TLN2: variants seen among roughly 807,000 people sequenced by gnomAD.
TLN2 encodes talin 2.
In TLN2, 118 loss-of-function variants were observed where a neutral mutation model predicts 294.7. The observed-to-expected ratio is 0.40, with a 90% CI of 0.34 to 0.47. The LOEUF (loss-of-function observed/expected upper bound fraction) is 0.47. TLN2 is among the 20% of genes least tolerant of loss of function. The pLI is 0.84. For missense variants in TLN2, 3,083 were observed against 3,282.2 expected (o/e 0.94, Z 1.48); for synonymous variants, 1,431 against 1,304.5 (o/e 1.10, Z -2.09).
At chr15:62,677,309 A>G (rs1249545505) in intron 11 of TLN2, among the ~76,000 whole-genome samples, 3 of 152,192 alleles carry the variant, frequency 2.0e-5, no homozygotes, top group Non-Finnish European at 4.4e-5. Context: ...TAGTCCTTTG[A>G]GTATTAAATT....
At position 62,800,452 on chromosome 15, in the gene TLN2, G is replaced by T; in HGVS notation, c.6319G>T (p.Val2107Leu). The T allele has an allele frequency of 6.2e-7, 1 of 1,614,234 alleles. No homozygotes were observed. The highest frequency in any genetic ancestry group is 8.5e-7 in the Non-Finnish European group (1 of 1,180,044). The change falls in exon 49 of 59, where the codon GTG (valine) becomes TTG (leucine). Residue 2107 changes from valine to leucine, a missense_variant. By Grantham distance (32) the Val-to-Leu change is conservative. Coordinates refer to ENST00000636159, the MANE Select transcript of TLN2 (RefSeq NM_015059.3). ...SATKGAASKP[V>L]DDPSMYQLKG... ...TACCAAGGGAGCTGCCAGCAAGCCA[G>T]TGGACGACCCTTCCATGTACCAGCT... is the stretch of plus-strand genomic sequence containing the variant.
chr15:62,761,692 G>T lies in TLN2; in HGVS notation c.4650G>T (p.Gly1550=), dbSNP rs1160101252. The change falls in exon 38 of 59, where the codon GGG becomes GGT. Residue 1550 remains glycine, a synonymous_variant. Transcript: ENST00000636159. ...NLVKTIKALD[G]DFSEDNRNKC... is the part of the protein sequence containing the mutation. ...TTTTCTCCCATCAGGCCCTGGATGGGGATTTCTCTGAAGACAACCGCAATA... is the reference window on the plus strand; with the variant it reads ...TTTTCTCCCATCAGGCCCTGGATGGTGATTTCTCTGAAGACAACCGCAATA... The T allele has an allele frequency of 1.9e-6, 3 of 1,614,096 alleles. No homozygotes were observed. In the South Asian group the frequency reaches 3.3e-5, roughly 18 times the overall value.
intron 21 of TLN2, among the ~76,000 whole-genome samples, chr15:62,711,118 C>T (rs1299748377): frequency 6.6e-6 from 1 of 152,120 alleles, no homozygotes; most frequent in Admixed American, 6.6e-5. Flanking sequence ...TCTTCTTCCC[C>T]CTTTTTGTTA....
At chr15:62,596,299 T>C (rs1478303335) in intron 2 of TLN2, among the ~76,000 whole-genome samples, 2 of 148,336 alleles carry the variant, frequency 1.3e-5, no homozygotes, top group Non-Finnish European at 3.0e-5. Context: ...TGAAAATTGC[T>C]CAGAGTAGAT....
At chr15:62,721,838 G>C (rs1356851945) in intron 25 of TLN2, among the ~76,000 whole-genome samples, 1 of 152,046 alleles carries the variant, frequency 6.6e-6, no homozygotes, top group Non-Finnish European at 1.5e-5. Context: ...TGTGAGACAA[G>C]GAGATTGTGA....
At chr15:62,434,698 TGCCAGTCCGCTA>T (rs1451502509) in intron 1 of TLN2, among the ~76,000 whole-genome samples, 2 of 152,224 alleles carry the variant, frequency 1.3e-5, no homozygotes, top group African/African-American at 4.8e-5. Context: ...TGCCTATATT[TGCCAGTCCGCTA>T]GGTAAAAATG....
chr15:62,812,321 T>A (rs534492164), intron 52 of TLN2, among the ~76,000 whole-genome samples: 1 of 152,310 alleles, frequency 6.6e-6, no homozygotes, highest in South Asian at 2.1e-4. Context: ...CTGTGCAGCA[T>A]TGATAATGTA....
intron 1 of TLN2, among the ~76,000 whole-genome samples, chr15:62,584,111 A>G (rs768451163): frequency 6.6e-6 from 1 of 152,254 alleles, no homozygotes; most frequent in Non-Finnish European, 1.5e-5. Flanking sequence ...TTTACATAAA[A>G]GAACTAATTA....
At chr15:62,741,748 C>CGCGTGCGCGTGTGTGTGTGTGT in intron 32 of TLN2, among the ~76,000 whole-genome samples, 1 of 131,072 alleles carries the variant, frequency 7.6e-6, no homozygotes, top group Non-Finnish European at 1.6e-5. Flanking sequence ...AAAATTTGCG[C>CGCGTGCGCGTGTGTGTGTGTGT]GTGTGTGTGT....
At chr15:62,550,232 G>C (rs768348180) in intron 1 of TLN2, among the ~76,000 whole-genome samples, 2 of 152,186 alleles carry the variant, frequency 1.3e-5, no homozygotes, top group Non-Finnish European at 2.9e-5. Context: ...ATGTCCAACA[G>C]AGCATACTTA....
At chr15:62,498,813 G>A (rs904711269) in intron 1 of TLN2, among the ~76,000 whole-genome samples, 4 of 152,014 alleles carry the variant, frequency 2.6e-5, no homozygotes, top group African/African-American at 9.7e-5. Flanking sequence ...GAACAGGAGA[G>A]TCTGTGAATG....
intron 1 of TLN2, among the ~76,000 whole-genome samples, chr15:62,548,917 G>C (rs914052509): frequency 6.6e-6 from 1 of 152,174 alleles, no homozygotes; most frequent in African/African-American, 2.4e-5. Context: ...AGGAATCCAA[G>C]ACTTTATTCT....
chr15:62,776,337 C>T (rs1484779696), intron 42 of TLN2, among the ~76,000 whole-genome samples: 1 of 152,130 alleles, frequency 6.6e-6, no homozygotes, highest in Non-Finnish European at 1.5e-5. Context: ...TTCTGTAATC[C>T]AGTCTTATCT....
At chr15:62,586,364 A>G (rs1024464834) in intron 1 of TLN2, among the ~76,000 whole-genome samples, 1 of 152,230 alleles carries the variant, frequency 6.6e-6, no homozygotes, top group Non-Finnish European at 1.5e-5. Context: ...TTTGTAGGGA[A>G]GAAGGAGCTG....
In TLN2 at chr15:62,716,354, T is replaced by G; in HGVS notation, c.2658T>G (p.Asn886Lys). 1 of 1,608,250 alleles carries G rather than the reference T, an allele frequency of 6.2e-7. No individual in the cohort carries two copies. ...AGGGGGCTGCAGCCAACCCAGAGAATGAGGACCAGCAGCAAAGGCTGAGAG... is the reference window on the plus strand; with the variant it reads ...AGGGGGCTGCAGCCAACCCAGAGAAGGAGGACCAGCAGCAAAGGCTGAGAG... ...AAKGAAANPE[N>K]EDQQQRLREA... is the part of the protein sequence containing the mutation. The change falls in exon 23 of 59, where the codon AAT (asparagine) becomes AAG (lysine). Residue 886 changes from asparagine (N) to lysine (K), a missense_variant. Coordinates refer to ENST00000636159, the MANE Select transcript of TLN2 (RefSeq NM_015059.3).
chr15:62,428,469 A>G (rs2034835887), intron 1 of TLN2, among the ~76,000 whole-genome samples: 1 of 152,232 alleles, frequency 6.6e-6, no homozygotes, highest in African/African-American at 2.4e-5. Flanking sequence ...TAACAGTAGG[A>G]GCAGGATTGT....
At chr15:62,442,471 G>T (rs989706908) in intron 1 of TLN2, among the ~76,000 whole-genome samples, 3 of 134,344 alleles carry the variant, frequency 2.2e-5, no homozygotes, top group Non-Finnish European at 3.1e-5. Flanking sequence ...TCCAGCTGGG[G>T]CACAGAGTGA....
At chr15:62,455,112 C>A (rs1485999850) in intron 1 of TLN2, among the ~76,000 whole-genome samples, 1 of 152,148 alleles carries the variant, frequency 6.6e-6, no homozygotes, top group African/African-American at 2.4e-5. Context: ...TTAAAGGGAA[C>A]CATTGTATTC....
intron 28 of TLN2, among the ~76,000 whole-genome samples, chr15:62,734,655 A>G (rs1567486626): frequency 6.6e-6 from 1 of 152,228 alleles, no homozygotes; most frequent in East Asian, 1.9e-4. Flanking sequence ...CACTTAGTTT[A>G]AAATTCTTTT....
Sources: gnomAD v4.1 joint callset for allele counts (sites outside exome capture counted in the v4.1 genomes callset) on GRCh38, gnomAD v4.1.1 for gene constraint, MANE v1.5 for transcripts, NCBI Gene and HGNC (gene_info 2026-07-23, HGNC 2026-07-21) for gene names.